RIPOR2: variants seen among roughly 807,000 people sequenced by gnomAD.
RIPOR2 encodes the protein RHO family interacting cell polarization regulator 2.
A neutral mutation model predicts 114.5 loss-of-function variants in RIPOR2; 39 were observed. The observed-to-expected ratio is 0.34, with a 90% CI of 0.26 to 0.44. RIPOR2 has a LOEUF of 0.44. Ranked by LOEUF, RIPOR2 falls within the 20% of genes least tolerant of loss-of-function variation. RIPOR2 has a pLI of 1.00. For synonymous variants in RIPOR2, 445 were observed against 484.4 expected, an observed-to-expected ratio of 0.92 and a Z score of 1.07; for missense variants, 1,007 against 1,255.1, an observed-to-expected ratio of 0.80 and a Z score of 2.99.
In RIPOR2 at chr6:24,805,743, T is replaced by C. The variant is rs1780735865; in HGVS notation, c.*630A>G. The C allele has an allele frequency of 6.6e-6, 1 of 152,008 alleles. No individual in the cohort carries two copies. Among genetic ancestry groups the C allele is most frequent in the African/African-American group, 2.4e-5 (1 of 41,420 alleles). The allele number at this position is 152,008 out of a possible 1,614,324, so 9.4% of individuals were successfully genotyped here. A position where few individuals can be genotyped will look rare whatever the true frequency, so the allele number is the denominator to read the frequency against. ...ACTATTTCAAGCTTATAGAGAAACT[T>C]GCAAAAAAGTACAAAGATGGCTATT... On this transcript the variant is annotated 3_prime_UTR_variant, in exon 22 of 22. Transcript: ENST00000643898.
intron 1 of RIPOR2, among the ~76,000 whole-genome samples, chr6:25,009,748 A>G (rs2113673849): frequency 6.6e-6 from 1 of 152,348 alleles, no homozygotes; most frequent in Non-Finnish European, 1.5e-5. Flanking sequence ...AACAGATAAT[A>G]GAATTCCAGA....
At chr6:24,865,493 G>C (rs1479342575) in intron 6 of RIPOR2, 43 bp from the exon 7 acceptor site, 1 of 1,519,186 alleles carries the variant, frequency 6.6e-7, no homozygotes, top group Non-Finnish European at 9.0e-7. Context: ...TGTCAGGCTT[G>C]AAAGAAAATA....
chr6:24,923,047 C>T (rs952422501), intron 1 of RIPOR2, among the ~76,000 whole-genome samples: 6 of 151,918 alleles, frequency 3.9e-5, no homozygotes, highest in Non-Finnish European at 5.9e-5. Flanking sequence ...CTCTCCTCCC[C>T]CCAGCCTCTG....
At chr6:24,942,764 G>C (rs1006458274) in intron 1 of RIPOR2, among the ~76,000 whole-genome samples, 4 of 152,058 alleles carry the variant, frequency 2.6e-5, no homozygotes, top group Admixed American at 2.0e-4. Context: ...GGGGTTGTTT[G>C]TTTTTTTCTT....
At chr6:24,936,086 C>T (rs993899653), upstream of RIPOR2, 6 of 558,534 alleles carry the variant, frequency 1.1e-5, no homozygotes, top group African/African-American at 9.5e-5. Context: ...AAGAGTGAAT[C>T]CCAGGTGGGG....
intron 1 of RIPOR2, among the ~76,000 whole-genome samples, chr6:24,912,818 T>G (rs113360891): frequency 1.3e-5 from 2 of 152,060 alleles, no homozygotes; most frequent in Non-Finnish European, 2.9e-5. Flanking sequence ...CTGTTGTAAG[T>G]GACATATAAC....
chr6:24,946,273 C>T (rs1342154757), intron 1 of RIPOR2, among the ~76,000 whole-genome samples: 3 of 152,022 alleles, frequency 2.0e-5, no homozygotes, highest in Non-Finnish European at 4.4e-5. Context: ...TGAGGTTTCA[C>T]CATGTTGGCC....
chr6:24,943,226 T>C (rs1753511), intron 1 of RIPOR2, among the ~76,000 whole-genome samples: 26,386 of 152,072 alleles, frequency 0.17, 2,457 homozygotes, highest in East Asian at 0.34. Context: ...TCATTCTCAG[T>C]AAATTATCGC....
At chr6:24,862,631 C>T (rs1031964560) in intron 7 of RIPOR2, among the ~76,000 whole-genome samples, 4 of 152,156 alleles carry the variant, frequency 2.6e-5, no homozygotes, top group Non-Finnish European at 5.9e-5. Flanking sequence ...TATTATAAAC[C>T]AATTTATTTC....
intron 19 of RIPOR2, among the ~76,000 whole-genome samples, chr6:24,821,792 C>T (rs554001292): frequency 6.6e-6 from 1 of 152,324 alleles, no homozygotes; most frequent in African/African-American, 2.4e-5. Flanking sequence ...GCCATCAACC[C>T]CCTCCAAAGC....
rs116195613 is a variant in RIPOR2, at chr6:24,860,577, G to C, written c.715+396C>G. ...AAGATGACAGCCCCATGCTTTAAGA[G>C]ATGCATACTGAAGTGTATAGCAGCA... On this transcript the variant is annotated intron_variant, in intron 8 of 21. Coordinates refer to ENST00000643898, the MANE Select transcript of RIPOR2 (RefSeq NM_001286445.3). Among the ~76,000 whole-genome samples the C allele has an allele frequency of 7.1e-3, 1,084 of 152,324 alleles. 15 individuals are homozygous for C. The highest frequency in any genetic ancestry group is 0.023 in the African/African-American group (955 of 41,562).
chr6:24,881,622 C>T (rs1186580326), intron 1 of RIPOR2, among the ~76,000 whole-genome samples: 4 of 152,206 alleles, frequency 2.6e-5, no homozygotes, highest in Non-Finnish European at 4.4e-5. Context: ...TTTTCTCTGA[C>T]TATGCAGTGT....
At chr6:24,838,368 G>T (rs1201567454) in intron 14 of RIPOR2, among the ~76,000 whole-genome samples, 1 of 152,200 alleles carries the variant, frequency 6.6e-6, no homozygotes, top group Non-Finnish European at 1.5e-5. Context: ...AAAGGCAGTG[G>T]AAGTAAAGTG....
intron 19 of RIPOR2, among the ~76,000 whole-genome samples, chr6:24,824,772 T>C (rs1211101631): frequency 6.6e-6 from 1 of 152,174 alleles, no homozygotes; most frequent in East Asian, 1.9e-4. Flanking sequence ...ATGTTCACCA[T>C]AATATTTTTA....
chr6:25,015,573 C>T (rs1775935525), intron 1 of RIPOR2: 1 of 152,206 alleles, frequency 6.6e-6, no homozygotes, highest in Non-Finnish European at 1.5e-5. Flanking sequence ...ATCCTCTTGA[C>T]TCTGTAAAAA....
At chr6:24,936,074 T>G, upstream of RIPOR2, 1 of 570,728 alleles carries the variant, frequency 1.8e-6, no homozygotes, top group Non-Finnish European at 3.1e-6. Flanking sequence ...TTGAGCCTTG[T>G]GAAGAGTGAA....
At chr6:25,004,894 C>T (rs1233966175) in intron 1 of RIPOR2, among the ~76,000 whole-genome samples, 1 of 151,936 alleles carries the variant, frequency 6.6e-6, no homozygotes, top group Non-Finnish European at 1.5e-5. Context: ...TTAGTATTCT[C>T]ACATTTTAAT....
chr6:24,843,175 T>C lies in RIPOR2; in HGVS notation c.1544A>G (p.Asp515Gly). ...AGAEHLFLEN[D>G]VAEALLQESE... ...CTCTTGCAGAAGTGCTTCTGCAACA[T>C]CATTCTCAAGGAACAGGTGCTCAGC... is the stretch of plus-strand genomic sequence containing the variant. Residue 515 changes from aspartate to glycine, a missense_variant, in exon 13 of 22, where the codon GAT becomes GGT. Physicochemically the swap from Asp to Gly is moderately conservative, Grantham distance 94. Coordinates refer to ENST00000643898, the MANE Select transcript of RIPOR2 (RefSeq NM_001286445.3). 1 of 1,614,006 alleles carries C rather than the reference T, an allele frequency of 6.2e-7. No individual in the cohort carries two copies. The highest frequency in any genetic ancestry group is 8.5e-7 in the Non-Finnish European group (1 of 1,179,876).
At chr6:25,030,784 T>C (rs1776885720) in intron 1 of RIPOR2, among the ~76,000 whole-genome samples, 1 of 152,150 alleles carries the variant, frequency 6.6e-6, no homozygotes, top group Non-Finnish European at 1.5e-5. Flanking sequence ...CTGCAACCTC[T>C]GCCTCTTGTG....
Sources: gnomAD v4.1 joint callset for allele counts (sites outside exome capture counted in the v4.1 genomes callset) on GRCh38, gnomAD v4.1.1 for gene constraint, MANE v1.5 for transcripts, NCBI Gene and HGNC (gene_info 2026-07-23, HGNC 2026-07-21) for gene names.